AGRN: variants seen among roughly 807,000 people sequenced by gnomAD.
AGRN encodes agrin, also known as agrin proteoglycan.
In AGRN, 106 loss-of-function variants were observed where a neutral mutation model predicts 211.0. That is an observed-to-expected ratio of 0.50 (90% confidence interval 0.43 to 0.59). AGRN has a LOEUF of 0.59. Ranked by LOEUF, AGRN falls within the 20% of genes least tolerant of loss-of-function variation. The pLI, the probability that AGRN is intolerant of heterozygous loss-of-function variation, is 0.00. For missense variants in AGRN, 3,040 were observed against 2,982.6 expected (o/e 1.02, Z -0.45); for synonymous variants, 1,525 against 1,332.5 (o/e 1.14, Z -3.15).
In AGRN at chr1:1,040,876, G is replaced by C; in HGVS notation, c.723G>C (p.Pro241=). 1 of 1,513,676 alleles carries C rather than the reference G, an allele frequency of 6.6e-7. No homozygotes were observed. The highest frequency in any genetic ancestry group is 8.8e-7 in the Non-Finnish European group (1 of 1,138,820). 93.8% of individuals were successfully genotyped at this position (1,513,676 alleles called of 1,614,324 possible). Residue 241 remains proline (P), a synonymous_variant, in exon 4 of 36, where the codon CCG becomes CCC. Transcript: ENST00000379370. ...GCATCCGCCTGCTCAGCCGCGGGCC[G>C]TGCGGTGAGCGGGGCGGGGCCGGTG... ...QRRIRLLSRG[P]CGSRDPCSNV... is the part of the protein sequence containing the mutation.
At chr1:1,025,087 G>T (rs1300463597) in intron 2 of AGRN, among the ~76,000 whole-genome samples, 2 of 152,186 alleles carry the variant, frequency 1.3e-5, no homozygotes, top group Non-Finnish European at 2.9e-5. Flanking sequence ...GGGACTCCTG[G>T]CTGAGGGCCG....
chr1:1,046,949 A>G lies in AGRN; in HGVS notation c.3380A>G (p.Asn1127Ser), dbSNP rs1214759211. The change falls in exon 19 of 36, where the codon AAC (asparagine) becomes AGC (serine). Residue 1127 changes from asparagine to serine, a missense_variant. Physicochemically the swap from Asn to Ser is conservative, Grantham distance 46. This residue lies in a region of AGRN where 1,537 missense variants were observed against 1,505.0 expected (regional missense o/e 1.02). Transcript: ENST00000379370. ...KTPSLDAEGS[N>S]CPATKVFQGV... ...CCCTCGCTGGACGCAGAGGGCTCCA[A>G]CTGCCCCGGTGAGTGGACGGCTGGG... 5.7e-6 allele frequency: 9 copies of G among 1,579,316 alleles called. No individual in the cohort carries two copies. In the African/African-American group the frequency reaches 6.7e-5, roughly 12 times the overall value.
At chr1:1,035,092 G>C (rs1300578147) in intron 2 of AGRN, 185 bp from the exon 3 acceptor site, 2 of 700,664 alleles carry the variant, frequency 2.9e-6, no homozygotes, top group Admixed American at 4.6e-5. Context: ...AAAAGCAGGG[G>C]CCTCTGTCTC....
intron 2 of AGRN, among the ~76,000 whole-genome samples, chr1:1,030,551 T>G (rs2100591280): frequency 1.2e-5 from 1 of 84,304 alleles, no homozygotes; most frequent in Non-Finnish European, 2.5e-5. Context: ...GTGCAGCGCA[T>G]GGTGCTGAGA....
chr1:1,051,909 C>A (rs1645305255), intron 33 of AGRN, 94 bp downstream of exon 33: 15 of 1,551,900 alleles, frequency 9.7e-6, no homozygotes, highest in Non-Finnish European at 1.3e-5. Flanking sequence ...GAGGGGACGG[C>A]CCGGTGCTGC....
At chr1:1,029,769 CTG>C (rs1464318803) in intron 2 of AGRN, among the ~76,000 whole-genome samples, 1 of 94,606 alleles carries the variant, frequency 1.1e-5, no homozygotes, top group Non-Finnish European at 2.2e-5. Flanking sequence ...GTGCATGGTG[CTG>C]TGAGTGTGAG....
Position 1,055,195 on chromosome 1 carries a change from GAC to G in AGRN, c.*221_*222del. ...GGCTCGGCGTGGATGGCAGCCTCAG[GAC>G]ACACACCCCTGCCTCAAGGTGCTGA... On this transcript the variant is annotated 3_prime_UTR_variant, in exon 36 of 36. Transcript: ENST00000379370. 2 of 728,364 alleles carry G rather than the reference GAC, an allele frequency of 2.7e-6. No individual in the cohort carries two copies. Among genetic ancestry groups the G allele is most frequent in the South Asian group, 3.4e-5 (2 of 58,508 alleles). The allele number at this position is 728,364 out of a possible 1,614,324, so 45.1% of individuals were successfully genotyped here.
At chr1:1,030,143 ATG>A (rs761937624) in intron 2 of AGRN, among the ~76,000 whole-genome samples, 3 of 7,884 alleles carry the variant, frequency 3.8e-4, no homozygotes, top group African/African-American at 1.1e-3. Flanking sequence ...TGAGATCAGC[ATG>A]TGTGTGTGTG....
At chr1:1,037,470 T>C (rs1644828312) in intron 3 of AGRN, among the ~76,000 whole-genome samples, 1 of 151,782 alleles carries the variant, frequency 6.6e-6, no homozygotes, top group Non-Finnish European at 1.5e-5. Context: ...ATCCTCTCCA[T>C]CCCCCAGCCT....
At position 1,041,312 on chromosome 1, in the gene AGRN, C is replaced by A; in HGVS notation, c.867C>A (p.Gly289=). The change falls in exon 5 of 36, where the codon GGC becomes GGA. Residue 289 remains glycine, a synonymous_variant. Coordinates refer to ENST00000379370, the MANE Select transcript of AGRN (RefSeq NM_198576.4). ...APEGTVCGSD[G]ADYPGECQLL... is the part of the protein sequence containing the mutation. The stretch of plus-strand genomic sequence containing the variant: ...AGGGGACCGTCTGCGGCAGCGACGG[C>A]GCCGACTACCCCGGCGAGTGCCAGC... The A allele has an allele frequency of 6.6e-7, 1 of 1,520,878 alleles. No homozygotes were observed. Among genetic ancestry groups the A allele is most frequent in the Non-Finnish European group, 8.8e-7 (1 of 1,140,506 alleles). 94.2% of individuals were successfully genotyped at this position (1,520,878 alleles called of 1,614,324 possible). A position where few individuals can be genotyped will look rare whatever the true frequency, so the allele number is the denominator to read the frequency against.
At chr1:1,045,677 G>A in intron 14 of AGRN, 56 bp from the exon 15 acceptor site, 1 of 1,612,520 alleles carries the variant, frequency 6.2e-7, no homozygotes, top group Non-Finnish European at 8.5e-7. Flanking sequence ...CTCTGGAGGA[G>A]GTGGGGAAGC....
chr1:1,046,772 G>GC, intron 18 of AGRN, 37 bp downstream of exon 18: 1 of 1,571,306 alleles, frequency 6.4e-7, no homozygotes, highest in South Asian at 1.1e-5. Context: ...GGGTGGGCAG[G>GC]CGCCGAGAGG....
In AGRN at chr1:1,050,836, C is replaced by T. The variant is rs756986183; in HGVS notation, c.5252C>T (p.Pro1751Leu). The change falls in exon 30 of 36, where the codon CCG becomes CTG. Residue 1751 changes from proline to leucine, a missense_variant and splice_region_variant. Around this residue, in one of 3 missense-constraint regions of AGRN, gnomAD observed 1,537 missense variants for 1,505.0 expected, o/e 1.02. Coordinates refer to ENST00000379370, the MANE Select transcript of AGRN (RefSeq NM_198576.4). Reference sequence around the variant, plus strand: ...GGCCCCCGTGTGTTGGGGGAGTCCCCGGTGAGTGCTCTGGGCCGCGAGGGG... The same window carrying T: ...GGCCCCCGTGTGTTGGGGGAGTCCCTGGTGAGTGCTCTGGGCCGCGAGGGG... ...GDGPRVLGES[P>L]VPHTVLNLKE... The T allele has an allele frequency of 8.9e-6, 14 of 1,568,648 alleles. No individual in the cohort carries two copies. The highest frequency in any genetic ancestry group is 2.0e-4 in the Middle Eastern group (1 of 5,038).
At chr1:1,051,950 C>G in intron 33 of AGRN, 135 bp downstream of exon 33, 1 of 1,548,560 alleles carries the variant, frequency 6.5e-7, no homozygotes, top group Non-Finnish European at 8.7e-7. Flanking sequence ...TCTCTCACCT[C>G]CCGGTCCTCC....
At chr1:1,050,070 G>T (rs397834473) in intron 27 of AGRN, 33 bp downstream of exon 27, 46 of 1,297,486 alleles carry the variant, frequency 3.5e-5, no homozygotes, top group African/African-American at 7.9e-5. Context: ...GGCAGGGGGG[G>T]GGGGGGGGTT....
chr1:1,043,637 G>A lies in AGRN; in HGVS notation c.1703G>A (p.Gly568Asp). The change falls in exon 9 of 36, where the codon GGC (glycine) becomes GAC (aspartate). Residue 568 changes from glycine (G) to aspartate (D), a missense_variant. Around this residue, in one of 3 missense-constraint regions of AGRN, gnomAD observed 1,498 missense variants for 1,457.8 expected, o/e 1.03. Coordinates refer to ENST00000379370, the MANE Select transcript of AGRN (RefSeq NM_198576.4). ...GTGGCTTTGGCCCAGCCCGTGTGTG[G>A]CTCCGACGGGCACACGTACCCCAGC... Reference protein sequence around the residue: ...ECVALAQPVCGSDGHTYPSEC... With the variant: ...ECVALAQPVCDSDGHTYPSEC... 6.2e-7 allele frequency: 1 copy of A among 1,602,658 alleles called. No homozygotes were observed.
At chr1:1,047,495 C>T in intron 20 of AGRN, 41 bp downstream of exon 20, 3 of 1,612,818 alleles carry the variant, frequency 1.9e-6, no homozygotes, top group Non-Finnish European at 2.5e-6. Context: ...ACTGGCCTTC[C>T]TCCCCAGATA....
chr1:1,050,978 G>A, intron 30 of AGRN, 141 bp downstream of exon 30: 4 of 1,550,864 alleles, frequency 2.6e-6, no homozygotes, highest in South Asian at 2.4e-5. Context: ...TGCCTCCTCT[G>A]CCTCCCTGCT....
At chr1:1,053,685 C>G in intron 33 of AGRN, 68 bp from the exon 34 acceptor site, 1 of 1,523,874 alleles carries the variant, frequency 6.6e-7, no homozygotes, top group Non-Finnish European at 8.9e-7. Context: ...GGCCCTTGTC[C>G]TCCCGCCTCC....
Sources: allele counts gnomAD v4.1 joint callset (sites outside exome capture counted in the v4.1 genomes callset), GRCh38; gene constraint gnomAD v4.1.1; regional missense constraint gnomAD v4.1.1; transcripts MANE v1.5; gene names NCBI Gene and HGNC (gene_info 2026-07-23, HGNC 2026-07-21).